Variants in ZFYVE28 observed in about 807,000 individuals in gnomAD.
ZFYVE28 encodes zinc finger FYVE-type containing 28.
In ZFYVE28, 40 loss-of-function variants were observed where a neutral mutation model predicts 82.1. That is an observed-to-expected ratio of 0.49 (90% CI 0.38 to 0.63). The LOEUF (loss-of-function observed/expected upper bound fraction) is 0.63, where lower values mean the gene tolerates loss of function less well. Among genes scored for constraint, ZFYVE28 ranks in the 30% least tolerant of loss-of-function variants. The pLI, the probability that ZFYVE28 is intolerant of heterozygous loss-of-function variation, is 0.00. For synonymous variants in ZFYVE28, 612 were observed against 546.1 expected, an observed-to-expected ratio of 1.12 and a Z score of -1.68; for missense variants, 1,321 against 1,242.1, an observed-to-expected ratio of 1.06 and a Z score of -0.96.
Position 2,304,647 on chromosome 4 carries a change from CGCAGGAATGCAGAAG to C in ZFYVE28, c.1678_1692del (p.Leu560_Cys564del). The C allele has an allele frequency of 6.2e-7, 1 of 1,612,620 alleles. No homozygotes were observed. The highest frequency in any genetic ancestry group is 8.5e-7 in the Non-Finnish European group (1 of 1,179,874). ...CTGTCCCCGCAGCTCCCACAGCACA[CGCAGGAATGCAGAAG>C]GCAGTTGGTGGCCCCAGTGCTAAGC... On this transcript the variant is annotated inframe_deletion, in exon 8 of 13. Coordinates refer to ENST00000290974, the MANE Select transcript of ZFYVE28 (RefSeq NM_020972.3).
chr4:2,307,632 A>C (rs1384177514), intron 7 of ZFYVE28, among the ~76,000 whole-genome samples: 1 of 152,020 alleles, frequency 6.6e-6, no homozygotes, highest in Non-Finnish European at 1.5e-5. Flanking sequence ...ACAGGTGCAG[A>C]CCACCGTATC....
At chr4:2,398,569 G>A (rs1427120950) in intron 1 of ZFYVE28, among the ~76,000 whole-genome samples, 1 of 152,066 alleles carries the variant, frequency 6.6e-6, no homozygotes, top group Non-Finnish European at 1.5e-5. Flanking sequence ...AGCACAAGGT[G>A]TGGCGAGATC....
intron 9 of ZFYVE28, 35 bp from the exon 10 acceptor site, chr4:2,273,324 G>A: frequency 6.3e-7 from 1 of 1,582,384 alleles, no homozygotes; most frequent in Non-Finnish European, 8.6e-7. Flanking sequence ...CACGACAGAA[G>A]GACGGATGGA....
intron 8 of ZFYVE28, among the ~76,000 whole-genome samples, chr4:2,298,567 G>T (rs965075840): frequency 4.6e-5 from 7 of 152,244 alleles, no homozygotes; most frequent in Admixed American, 3.3e-4. Context: ...TGGGGCAGAG[G>T]CTTGGCCACT....
intron 8 of ZFYVE28, among the ~76,000 whole-genome samples, chr4:2,296,668 C>T (rs942240974): frequency 1.2e-4 from 18 of 152,182 alleles, no homozygotes; most frequent in Non-Finnish European, 1.9e-4. Flanking sequence ...GGGCCCCAGA[C>T]AGTCTGGGGG....
chr4:2,382,109 A>G (rs1225585824), intron 1 of ZFYVE28, among the ~76,000 whole-genome samples: 1 of 152,212 alleles, frequency 6.6e-6, no homozygotes, highest in Non-Finnish European at 1.5e-5. Context: ...CCTCCACTAG[A>G]TTTCAGAGGA....
At chr4:2,346,995 G>A (rs913538095) in intron 2 of ZFYVE28, among the ~76,000 whole-genome samples, 1 of 152,096 alleles carries the variant, frequency 6.6e-6, no homozygotes, top group African/African-American at 2.4e-5. Flanking sequence ...TTTTCAGATT[G>A]CATAATAAAA....
In ZFYVE28 at chr4:2,339,414, G is replaced by T. The variant is rs767973793; in HGVS notation, c.521+39C>A. On this transcript the variant is annotated intron_variant, in intron 4 of 12. Coordinates refer to ENST00000290974, the MANE Select transcript of ZFYVE28 (RefSeq NM_020972.3). The surrounding 1 kb of genome is among the most constrained non-coding windows in gnomAD (Gnocchi z 5.0). Reference sequence around the variant, plus strand: ...CGGAAGCTGGCACAACCGTCCCCCAGCTCATACAGCCAGGGCTGTGGACCC... The same window carrying T: ...CGGAAGCTGGCACAACCGTCCCCCATCTCATACAGCCAGGGCTGTGGACCC... 2.5e-6 allele frequency: 4 copies of T among 1,597,636 alleles called. No individual in the cohort carries two copies. The highest frequency in any genetic ancestry group is 3.4e-6 in the Non-Finnish European group (4 of 1,170,660).
chr4:2,302,468 AACAAAG>A (rs1715706467), intron 8 of ZFYVE28, among the ~76,000 whole-genome samples: 1 of 152,352 alleles, frequency 6.6e-6, no homozygotes, highest in African/African-American at 2.4e-5. Context: ...CTAAGGACAA[AACAAAG>A]ACAATGACCA....
chr4:2,301,398 GT>G (rs1715499037), intron 8 of ZFYVE28, among the ~76,000 whole-genome samples: 1 of 152,186 alleles, frequency 6.6e-6, no homozygotes, highest in Admixed American at 6.5e-5. Flanking sequence ...AACCGAACAT[GT>G]ACTGTCCTGA....
At chr4:2,393,829 C>T (rs1218694371) in intron 1 of ZFYVE28, among the ~76,000 whole-genome samples, 1 of 152,160 alleles carries the variant, frequency 6.6e-6, no homozygotes, top group Non-Finnish European at 1.5e-5. Context: ...GTGCGTGTCC[C>T]CAGGAGGCGT....
chr4:2,399,806 G>A (rs4299660), intron 1 of ZFYVE28, among the ~76,000 whole-genome samples: 47,963 of 152,170 alleles, frequency 0.32, 8,101 homozygotes, highest in East Asian at 0.46. Context: ...GACACCATCT[G>A]GACCCAAACG....
rs1560367952 is a variant in ZFYVE28, at chr4:2,417,068, G to A, written c.39+1217C>T. Among the ~76,000 whole-genome samples, 1 of 152,248 alleles carries A rather than the reference G, an allele frequency of 6.6e-6. No individual in the cohort carries two copies. Among genetic ancestry groups the A allele is most frequent in the Non-Finnish European group, 1.5e-5 (1 of 68,040 alleles). On this transcript the variant is annotated intron_variant, in intron 1 of 12. Transcript: ENST00000290974. The surrounding 1 kb of genome is among the most constrained non-coding windows in gnomAD (Gnocchi z 4.8). ...ACAGCTCACCCACGGTGGAGGCGGA[G>A]GCCTGGGACGCTGGACGGAGAAAGG...
At chr4:2,366,793 G>A (rs1726939845) in intron 1 of ZFYVE28, among the ~76,000 whole-genome samples, 1 of 152,226 alleles carries the variant, frequency 6.6e-6, no homozygotes, top group African/African-American at 2.4e-5. Context: ...AAGAGGCTGG[G>A]TTGGCCCCCT....
chr4:2,297,049 G>A (rs1714684303), intron 8 of ZFYVE28, among the ~76,000 whole-genome samples: 1 of 152,240 alleles, frequency 6.6e-6, no homozygotes. Context: ...CCAGGGAAGG[G>A]GCTGAACACC....
intron 1 of ZFYVE28, among the ~76,000 whole-genome samples, chr4:2,413,685 T>A (rs1019740494): frequency 6.6e-6 from 1 of 152,196 alleles, no homozygotes; most frequent in Non-Finnish European, 1.5e-5. Flanking sequence ...GAAAACGAAT[T>A]CATCAGTAGC....
Position 2,270,556 on chromosome 4 carries a change from C to A in ZFYVE28, c.*169G>T. ...CCCTGCAGCCGGCCCGGGGTCCCTG[C>A]AGGGAGGCTAGCGTGGGCAGGACAG... On this transcript the variant is annotated 3_prime_UTR_variant, in exon 13 of 13. Coordinates refer to ENST00000290974, the MANE Select transcript of ZFYVE28 (RefSeq NM_020972.3). 3 of 1,021,838 alleles carry A rather than the reference C, an allele frequency of 2.9e-6. 1 individual carries two copies. The highest frequency in any genetic ancestry group is 3.3e-5 in the South Asian group (2 of 61,428). 63.3% of individuals were successfully genotyped at this position (1,021,838 alleles called of 1,614,324 possible). A position where few individuals can be genotyped will look rare whatever the true frequency, so the allele number is the denominator to read the frequency against.
rs570602110 is a variant in ZFYVE28, at chr4:2,417,968, C to T, written c.39+317G>A. Among the ~76,000 whole-genome samples the T allele has an allele frequency of 2.7e-4, 41 of 150,732 alleles. No homozygotes were observed. The highest frequency in any genetic ancestry group is 1.9e-3 in the South Asian group (9 of 4,704). ...AGTGTAGGAGGGCACCGTCCAGGAC[C>T]GGGATGAGGAGGGAGAGGGGCCCGT... On this transcript the variant is annotated intron_variant, in intron 1 of 12. Transcript: ENST00000290974. This position sits in a 1 kb window ranked among gnomAD's most constrained non-coding sequence, Gnocchi z 4.8.
rs182363244 is a variant in ZFYVE28 at position 2,391,135 on chromosome 4, G to T, written c.39+27150C>A. Among the ~76,000 whole-genome samples, 234 of 152,354 alleles carry T rather than the reference G, an allele frequency of 1.5e-3. 3 individuals are homozygous for T. Among genetic ancestry groups the T allele is most frequent in the Non-Finnish European group, 1.6e-3 (110 of 68,032 alleles). On this transcript the variant is annotated intron_variant, in intron 1 of 12. Coordinates refer to ENST00000290974, the MANE Select transcript of ZFYVE28 (RefSeq NM_020972.3). ...CCGACAAGGGGCCGTGCCCGCCGCAGCCCTCCCTCTGTGTTTCCTGATTTT... is the reference window on the plus strand; with the variant it reads ...CCGACAAGGGGCCGTGCCCGCCGCATCCCTCCCTCTGTGTTTCCTGATTTT...
Sources: gnomAD v4.1 joint callset for allele counts (sites outside exome capture counted in the v4.1 genomes callset) on GRCh38, gnomAD v4.1.1 for gene constraint, Gnocchi (gnomAD v3.1) non-coding constraint, MANE v1.5 for transcripts, NCBI Gene and HGNC (gene_info 2026-07-23, HGNC 2026-07-21) for gene names.